The following SETD4 variants were observed in gnomAD, a reference collection of about 807,000 sequenced individuals.
The protein encoded by SETD4 is SET domain containing 4, also known as SET domain-containing protein 4.
Under a neutral mutation model 58.3 loss-of-function variants are expected in SETD4, and 46 were observed. The ratio of observed to expected loss-of-function variants is 0.79; its 90% CI spans 0.62 to 1.01. The LOEUF is 1.01. Ranked by LOEUF, SETD4 falls within the 50% of genes least tolerant of loss-of-function variation. SETD4 has a pLI of 0.00. For missense variants in SETD4, 490 were observed against 523.3 expected (o/e 0.94, Z 0.62); for synonymous variants, 190 against 202.6 (o/e 0.94, Z 0.53).
chr21:36,036,300 T>C, intron 10 of SETD4, 49 bp from the exon 11 acceptor site: 1 of 1,422,978 alleles, frequency 7.0e-7, no homozygotes, highest in Non-Finnish European at 9.2e-7. Context: ...CATATATATA[T>C]ATTTCACAGA....
At chr21:36,057,786 T>C (rs2065060440) in intron 2 of SETD4, among the ~76,000 whole-genome samples, 1 of 151,962 alleles carries the variant, frequency 6.6e-6, no homozygotes, top group South Asian at 2.1e-4. Context: ...ACACAGAAAA[T>C]AGGAAGAGGT....
Position 36,045,615 on chromosome 21 carries a change from G to A in SETD4, c.693C>T (p.Tyr231=), listed in dbSNP as rs2064282643. ...GTGGGCTATGATTCAGCAGGTCCAG[G>A]TACGGAGCGAGTGCACAGGTGTCCG... ...AEPDTCALAP[Y]LDLLNHSPHV... Residue 231 remains tyrosine (Y), a synonymous_variant, in exon 6 of 12, where the codon TAC becomes TAT. Transcript: ENST00000332131. 1.2e-6 allele frequency: 2 copies of A among 1,613,980 alleles called. No individual in the cohort carries two copies. Among genetic ancestry groups the A allele is most frequent in the African/African-American group, 2.7e-5 (2 of 74,932 alleles).
At chr21:36,049,327 G>A (rs1018463265) in intron 4 of SETD4, among the ~76,000 whole-genome samples, 1 of 152,198 alleles carries the variant, frequency 6.6e-6, no homozygotes, top group Non-Finnish European at 1.5e-5. Context: ...GGCTGAGGCA[G>A]GTGGATCGCT....
intron 8 of SETD4, among the ~76,000 whole-genome samples, chr21:36,041,202 T>C (rs1320047412): frequency 1.4e-5 from 2 of 138,062 alleles, no homozygotes; most frequent in Non-Finnish European, 3.1e-5. Flanking sequence ...AGCTTAACCA[T>C]GGATGAGGGG....
chr21:36,045,507 T>A, intron 6 of SETD4, 75 bp downstream of exon 6: 3 of 1,542,740 alleles, frequency 1.9e-6, no homozygotes, highest in Middle Eastern at 2.3e-4. Flanking sequence ...GCCACCCACA[T>A]CTACAGCCAC....
intron 1 of SETD4, 106 bp downstream of exon 1, chr21:36,060,241 A>G: frequency 1.9e-6 from 1 of 535,762 alleles, no homozygotes; most frequent in Non-Finnish European, 2.4e-6. Context: ...ACCTAAACTC[A>G]GTTCTTTTTA....
At chr21:36,049,422 G>A (rs1021909366) in intron 4 of SETD4, among the ~76,000 whole-genome samples, 3 of 152,172 alleles carry the variant, frequency 2.0e-5, no homozygotes, top group Admixed American at 2.0e-4. Flanking sequence ...GGCCATGGTG[G>A]TGCACACCTG....
rs1247784948 is a variant in SETD4, at chr21:36,051,131, C to T, written c.207+2452G>A. ...GTATCAGAGCAGACTATACTGCCTC[C>T]CTTCTACCCTCTGGCCAGCTCACCC... On this transcript the variant is annotated intron_variant, in intron 4 of 11. Transcript: ENST00000332131. 3.4e-6 allele frequency: 5 copies of T among 1,464,436 alleles called. No individual in the cohort carries two copies. The Admixed American group carries it at 5.0e-5, about 15-fold the overall frequency. The allele number at this position is 1,464,436 out of a possible 1,614,324, so 90.7% of individuals were successfully genotyped here. A position where few individuals can be genotyped will look rare whatever the true frequency, so the allele number is the denominator to read the frequency against.
rs776971398 is a variant in SETD4 at position 36,036,113 on chromosome 21, G to A, written c.*4C>T. Reference sequence around the variant, plus strand: ...AGGAGGTGACCAAATGCGCTTCGGTGAAATCAGGTAAAAGCTGTTTGCAAA... The same window carrying A: ...AGGAGGTGACCAAATGCGCTTCGGTAAAATCAGGTAAAAGCTGTTTGCAAA... On this transcript the variant is annotated 3_prime_UTR_variant, in exon 11 of 12. Coordinates refer to ENST00000332131, the MANE Select transcript of SETD4 (RefSeq NM_017438.5). The A allele has an allele frequency of 1.1e-5, 17 of 1,614,198 alleles. No individual in the cohort carries two copies. The highest frequency in any genetic ancestry group is 4.2e-6 in the Non-Finnish European group (5 of 1,180,036).
At chr21:36,046,147 T>C (rs1242143088) in intron 5 of SETD4, 136 bp from the exon 6 acceptor site, 2 of 841,918 alleles carry the variant, frequency 2.4e-6, no homozygotes, top group Non-Finnish European at 3.6e-6. Flanking sequence ...ACTCAAGAGT[T>C]CCTTCCTTCC....
At chr21:36,059,800 A>G in intron 1 of SETD4, 11 of 985,494 alleles carry the variant, frequency 1.1e-5, no homozygotes, top group Non-Finnish European at 9.6e-6. Context: ...GCACTTCCGC[A>G]GTATAAGGTT....
intron 10 of SETD4, among the ~76,000 whole-genome samples, chr21:36,037,748 C>A (rs965989255): frequency 6.6e-6 from 1 of 152,188 alleles, no homozygotes; most frequent in African/African-American, 2.4e-5. Context: ...GTAATCCCAG[C>A]ACTTTGGGAG....
intron 9 of SETD4, among the ~76,000 whole-genome samples, chr21:36,039,106 G>C (rs975528888): frequency 1.1e-4 from 17 of 152,208 alleles, no homozygotes; most frequent in African/African-American, 3.9e-4. Flanking sequence ...TTCAGTTTCA[G>C]AGATGACAGG....
chr21:36,037,623 GAAAAGA>G (rs1313320912), intron 10 of SETD4, among the ~76,000 whole-genome samples: 1 of 142,868 alleles, frequency 7.0e-6, no homozygotes, highest in African/African-American at 2.6e-5. Flanking sequence ...AAAAAAAATA[GAAAAGA>G]AAAAGAAAAA....
intron 8 of SETD4, among the ~76,000 whole-genome samples, chr21:36,041,372 A>G (rs2064054003): frequency 6.6e-6 from 1 of 152,034 alleles, no homozygotes; most frequent in Admixed American, 6.6e-5. Flanking sequence ...AGAAAATCTG[A>G]AAGGGAGAGC....
chr21:36,059,053 G>T (rs1206349528), intron 1 of SETD4, 129 bp from the exon 2 acceptor site: 1 of 1,101,836 alleles, frequency 9.1e-7, no homozygotes, highest in Non-Finnish European at 1.2e-6. Context: ...GTATACAAAT[G>T]TATGTTTTGG....
chr21:36,059,796 C>A (rs973002393), intron 1 of SETD4: 1 of 985,368 alleles, frequency 1.0e-6, no homozygotes, highest in Admixed American at 6.1e-5. Context: ...TACCGCACTT[C>A]CGCAGTATAA....
In SETD4 at chr21:36,053,603, T is replaced by C; in HGVS notation, c.187A>G (p.Met63Val). ...ACFPGTGRGLMSQTSLQEGQM... is the reference protein window; with the variant it reads ...ACFPGTGRGLVSQTSLQEGQM... Reference sequence around the variant, plus strand: ...CTCACCTGCAGGGATGTTTGACTCATCAGCCCTCTTCCTGTACCTAGGAAA... The same window carrying C: ...CTCACCTGCAGGGATGTTTGACTCACCAGCCCTCTTCCTGTACCTAGGAAA... The change falls in exon 4 of 12, where the codon ATG becomes GTG. Residue 63 changes from methionine to valine, a missense_variant. By Grantham distance (21) the Met-to-Val change is conservative. Coordinates refer to ENST00000332131, the MANE Select transcript of SETD4 (RefSeq NM_017438.5). 6.2e-7 allele frequency: 1 copy of C among 1,614,114 alleles called. No individual in the cohort carries two copies. Among genetic ancestry groups the C allele is most frequent in the South Asian group, 1.1e-5 (1 of 91,080 alleles).
intron 9 of SETD4, among the ~76,000 whole-genome samples, chr21:36,040,226 T>C (rs898809561): frequency 3.3e-5 from 5 of 152,232 alleles, no homozygotes; most frequent in Non-Finnish European, 5.9e-5. Context: ...CTAGCTCTAC[T>C]TGTCCTGGGC....
Sources: allele counts gnomAD v4.1 joint callset (sites outside exome capture counted in the v4.1 genomes callset), GRCh38; gene constraint gnomAD v4.1.1; transcripts MANE v1.5; gene names NCBI Gene and HGNC (gene_info 2026-07-23, HGNC 2026-07-21).